Variants in RPL41 observed in about 807,000 individuals in gnomAD.
RPL41 encodes ribosomal protein L41.
A neutral mutation model predicts 7.3 loss-of-function variants in RPL41; 3 were observed. The observed-to-expected ratio is 0.41, with a 90% CI of 0.19 to 1.06. RPL41 has a LOEUF of 1.06. Among genes scored for constraint, RPL41 ranks in the 50% least tolerant of loss-of-function variants. The pLI is 0.32. For synonymous variants in RPL41, 9 were observed against 7.4 expected (o/e 1.21, Z -0.34); for missense variants, 13 against 30.4 (o/e 0.43, Z 1.35).
At chr12:56,117,422 T>G in intron 2 of RPL41, 60 bp from the exon 3 acceptor site, 1 of 1,519,562 alleles carries the variant, frequency 6.6e-7, no homozygotes, top group Non-Finnish European at 8.9e-7. Context: ...TTTGATTTAA[T>G]GTGGGAGGGA....
chr12:56,117,652 T>A lies in RPL41; in HGVS notation c.*128T>A, dbSNP rs13799. 11,870 of 757,350 alleles carry A rather than the reference T, an allele frequency of 0.016. 109 individuals are homozygous for A. The highest frequency in any genetic ancestry group is 0.026 in the Middle Eastern group (86 of 3,308). The allele number at this position is 757,350 out of a possible 1,614,324, so 46.9% of individuals were successfully genotyped here. A position where few individuals can be genotyped will look rare whatever the true frequency, so the allele number is the denominator to read the frequency against. Reference sequence around the variant, plus strand: ...AGCTTGTCTCAATGGATCTAGAACTTCATCGCCCTCTGATCGCCGATCACC... The same window carrying A: ...AGCTTGTCTCAATGGATCTAGAACTACATCGCCCTCTGATCGCCGATCACC... On this transcript the variant is annotated 3_prime_UTR_variant, in exon 3 of 3. Coordinates refer to ENST00000546591, the MANE Select transcript of RPL41 (RefSeq NM_001035267.2).
chr12:56,116,869 TC>T (rs1869619860), intron 1 of RPL41, 70 bp downstream of exon 1: 2 of 1,576,804 alleles, frequency 1.3e-6, no homozygotes, highest in Non-Finnish European at 1.7e-6. Context: ...CGAAGGCAAG[TC>T]CGCCATACCT....
At position 56,117,083 on chromosome 12, in the gene RPL41, C is replaced by T. The variant is rs1378818482; in HGVS notation, c.13-106C>T. ...CATACTTCTTGGTTAAGAATCTGTC[C>T]GGTTCTAAAGAGTGCATTTCATATC... On this transcript the variant is annotated intron_variant, in intron 1 of 2. Coordinates refer to ENST00000546591, the MANE Select transcript of RPL41 (RefSeq NM_001035267.2). 8 of 1,426,262 alleles carry T rather than the reference C, an allele frequency of 5.6e-6. No homozygotes were observed. In the Admixed American group the frequency reaches 7.9e-5, roughly 14 times the overall value. The allele number at this position is 1,426,262 out of a possible 1,614,324, so 88.4% of individuals were successfully genotyped here.
chr12:56,116,964 T>G lies in RPL41; in HGVS notation c.12+165T>G, dbSNP rs1338536324. The G allele has an allele frequency of 4.4e-6, 5 of 1,127,252 alleles. No homozygotes were observed. In the Admixed American group the frequency reaches 9.2e-5, roughly 21 times the overall value. 69.8% of individuals were successfully genotyped at this position (1,127,252 alleles called of 1,614,324 possible). ...TGAGAGAGCTAGCGGTTAAGTGCTATGGGTAGAGAGGGTGGGCTTAGAAAA... is the reference window on the plus strand; with the variant it reads ...TGAGAGAGCTAGCGGTTAAGTGCTAGGGGTAGAGAGGGTGGGCTTAGAAAA... On this transcript the variant is annotated intron_variant, in intron 1 of 2. Transcript: ENST00000546591.
At position 56,116,633 on chromosome 12, in the gene RPL41, C is replaced by A; in HGVS notation, c.-155C>A. 1 of 890,362 alleles carries A rather than the reference C, an allele frequency of 1.1e-6. No homozygotes were observed. Among genetic ancestry groups the A allele is most frequent in the South Asian group, 1.4e-5 (1 of 71,002 alleles). The allele number at this position is 890,362 out of a possible 1,614,324, so 55.2% of individuals were successfully genotyped here. A position where few individuals can be genotyped will look rare whatever the true frequency, so the allele number is the denominator to read the frequency against. On this transcript the variant is annotated 5_prime_UTR_variant, in exon 1 of 3. Transcript: ENST00000546591. ...TAGCCGTAGACGGAACTTCGCCTTTCTCTCGGCCTTAGCGCCATTTTTTTG... is the reference window on the plus strand; with the variant it reads ...TAGCCGTAGACGGAACTTCGCCTTTATCTCGGCCTTAGCGCCATTTTTTTG...
Position 56,117,824 on chromosome 12 carries a change from A to G in RPL41, c.*300A>G, listed in dbSNP as rs952173579. 8 of 425,186 alleles carry G rather than the reference A, an allele frequency of 1.9e-5. No individual in the cohort carries two copies. Among genetic ancestry groups the G allele is most frequent in the African/African-American group, 1.6e-4 (8 of 49,078 alleles). The allele number at this position is 425,186 out of a possible 1,614,324, so 26.3% of individuals were successfully genotyped here. A position where few individuals can be genotyped will look rare whatever the true frequency, so the allele number is the denominator to read the frequency against. On this transcript the variant is annotated 3_prime_UTR_variant, in exon 3 of 3. Transcript: ENST00000546591. ...CCTCTTCCGCTGTTTTAGCTGAAGA[A>G]TTAAATCATCTTGTCTATTATGTTT... is the stretch of plus-strand genomic sequence containing the variant.
chr12:56,117,035 T>C (rs1869628080), intron 1 of RPL41, 154 bp from the exon 2 acceptor site: 4 of 1,180,234 alleles, frequency 3.4e-6, no homozygotes, highest in South Asian at 1.5e-5. Flanking sequence ...AAGTTACTGA[T>C]GTAGTTGTTA....
At chr12:56,117,045 AC>A in intron 1 of RPL41, 143 bp from the exon 2 acceptor site, 1 of 1,271,920 alleles carries the variant, frequency 7.9e-7, no homozygotes, top group South Asian at 1.5e-5. Context: ...TGTAGTTGTT[AC>A]GACCAATCTT....
At chr12:56,116,948 T>A in intron 1 of RPL41, 149 bp downstream of exon 1, 1 of 1,208,160 alleles carries the variant, frequency 8.3e-7, no homozygotes, top group Non-Finnish European at 1.2e-6. Context: ...GTGAGAGAGC[T>A]AGCGGTTAAG....
intron 1 of RPL41, 77 bp downstream of exon 1, chr12:56,116,876 T>TA: frequency 6.4e-7 from 1 of 1,558,386 alleles, no homozygotes; most frequent in Non-Finnish European, 8.9e-7. Flanking sequence ...AAGTCCGCCA[T>TA]ACCTCCTGAA....
chr12:56,116,856 A>G (rs1276409456), intron 1 of RPL41, 57 bp downstream of exon 1: 1 of 1,606,352 alleles, frequency 6.2e-7, no homozygotes, highest in African/African-American at 1.3e-5. Context: ...AGTAGCGAGG[A>G]GACGAAGGCA....
At position 56,117,845 on chromosome 12, in the gene RPL41, T is replaced by A; in HGVS notation, c.*321T>A. Reference sequence around the variant, plus strand: ...AAGAATTAAATCATCTTGTCTATTATGTTTTTTATGGTTCCATCGGGTGGG... The same window carrying A: ...AAGAATTAAATCATCTTGTCTATTAAGTTTTTTATGGTTCCATCGGGTGGG... On this transcript the variant is annotated 3_prime_UTR_variant, in exon 3 of 3. Transcript: ENST00000546591. The A allele has an allele frequency of 2.6e-6, 1 of 385,592 alleles. No homozygotes were observed. Among genetic ancestry groups the A allele is most frequent in the East Asian group, 6.1e-5 (1 of 16,262 alleles). The allele number at this position is 385,592 out of a possible 1,614,324, so 23.9% of individuals were successfully genotyped here. A position where few individuals can be genotyped will look rare whatever the true frequency, so the allele number is the denominator to read the frequency against.
intron 2 of RPL41, 33 bp downstream of exon 2, chr12:56,117,244 G>A: frequency 6.3e-7 from 1 of 1,590,700 alleles, no homozygotes; most frequent in Non-Finnish European, 8.5e-7. Context: ...CAGGAGGAGG[G>A]AAGTTCCTTG....
intron 1 of RPL41, 75 bp downstream of exon 1, chr12:56,116,874 C>A: frequency 6.4e-7 from 1 of 1,562,248 alleles, no homozygotes; most frequent in Non-Finnish European, 8.8e-7. Context: ...GCAAGTCCGC[C>A]ATACCTCCTG....
At position 56,117,881 on chromosome 12, in the gene RPL41, CATT is replaced by C. The variant is rs760637102; in HGVS notation, c.*359_*361del. 16 of 355,940 alleles carry C rather than the reference CATT, an allele frequency of 4.5e-5. No individual in the cohort carries two copies. Among genetic ancestry groups the C allele is most frequent in the African/African-American group, 1.1e-4 (5 of 46,976 alleles). 22.0% of individuals were successfully genotyped at this position (355,940 alleles called of 1,614,324 possible). ...GTTCCATCGGGTGGGGGTTTTCTGT[CATT>C]AGAGTTTGCCCTGTCACTACCTGTG... On this transcript the variant is annotated 3_prime_UTR_variant, in exon 3 of 3. Coordinates refer to ENST00000546591, the MANE Select transcript of RPL41 (RefSeq NM_001035267.2).
At position 56,116,760 on chromosome 12, in the gene RPL41, T is replaced by C. The variant is rs1171615243; in HGVS notation, c.-28T>C. The C allele has an allele frequency of 6.2e-7, 1 of 1,613,890 alleles. No homozygotes were observed. On this transcript the variant is annotated 5_prime_UTR_variant, in exon 1 of 3. Transcript: ENST00000546591. ...CACAGCAAACTAACTGTAGCCTTTC[T>C]CTCTTTCCCTGTAGAAACCTCTGCG...
intron 1 of RPL41, 176 bp downstream of exon 1, chr12:56,116,975 G>A: frequency 9.2e-7 from 1 of 1,089,448 alleles, no homozygotes. Context: ...GGGTAGAGAG[G>A]GTGGGCTTAG....
At chr12:56,116,884 G>A (rs1318816284) in intron 1 of RPL41, 85 bp downstream of exon 1, 10 of 1,534,458 alleles carry the variant, frequency 6.5e-6, no homozygotes, top group Non-Finnish European at 9.0e-6. Context: ...CATACCTCCT[G>A]AACTACTGGG....
chr12:56,116,872 G>T (rs1178858346), intron 1 of RPL41, 73 bp downstream of exon 1: 14 of 1,565,952 alleles, frequency 8.9e-6, no homozygotes, highest in Admixed American at 1.7e-5. Flanking sequence ...AGGCAAGTCC[G>T]CCATACCTCC....
Sources: allele counts gnomAD v4.1 joint callset, GRCh38; gene constraint gnomAD v4.1.1; transcripts MANE v1.5; gene names NCBI Gene and HGNC (gene_info 2026-07-23, HGNC 2026-07-21).